The following GRM4 variants were observed in gnomAD, a reference collection of about 807,000 sequenced individuals.
The protein encoded by GRM4 is glutamate metabotropic receptor 4, also known as metabotropic glutamate receptor 4.
Under a neutral mutation model 81.7 loss-of-function variants are expected in GRM4, and 28 were observed. That is an observed-to-expected ratio of 0.34 (90% CI 0.25 to 0.47). The LOEUF (loss-of-function observed/expected upper bound fraction) is 0.47. Among genes scored for constraint, GRM4 ranks in the 20% least tolerant of loss-of-function variants. GRM4 has a pLI of 1.00. For synonymous variants in GRM4, 488 were observed against 528.8 expected (o/e 0.92, Z 1.06); for missense variants, 948 against 1,290.0 (o/e 0.73, Z 4.06).
chr6:34,049,897 T>G (rs1217940885), intron 6 of GRM4, among the ~76,000 whole-genome samples: 1 of 152,100 alleles, frequency 6.6e-6, no homozygotes, highest in Non-Finnish European at 1.5e-5. Flanking sequence ...GGTCTCCCAC[T>G]CTGCCCTCGC....
chr6:34,145,696 C>T (rs1473004511), intron 1 of GRM4, among the ~76,000 whole-genome samples: 1 of 152,242 alleles, frequency 6.6e-6, no homozygotes, highest in Non-Finnish European at 1.5e-5. Context: ...GAGGGGGCCG[C>T]AGCCGCTTGC....
At chr6:34,044,669 C>CATAT (rs1213493669) in intron 6 of GRM4, among the ~76,000 whole-genome samples, 1 of 130,766 alleles carries the variant, frequency 7.6e-6, no homozygotes. Context: ...CATATATACA[C>CATAT]AGACACACAC....
At chr6:34,123,364 G>A (rs143834860) in intron 2 of GRM4, among the ~76,000 whole-genome samples, 41 of 152,286 alleles carry the variant, frequency 2.7e-4, no homozygotes, top group Admixed American at 4.6e-4. Flanking sequence ...ACCATGCTCC[G>A]TGACTCAGGC....
intron 7 of GRM4, 82 bp downstream of exon 7, chr6:34,040,466 A>G: frequency 2.1e-6 from 3 of 1,445,748 alleles, no homozygotes; most frequent in Non-Finnish European, 2.9e-6. Context: ...TCCCATTCCC[A>G]CCCCACAGAG....
chr6:34,056,463 C>T (rs1427623538), intron 6 of GRM4, 81 bp downstream of exon 6: 4 of 1,287,540 alleles, frequency 3.1e-6, no homozygotes, highest in South Asian at 1.3e-5. Context: ...CAAAGGGAGA[C>T]TCTCGGCCTC....
chr6:34,061,904 C>G lies in GRM4; in HGVS notation c.861G>C (p.Glu287Asp), dbSNP rs769597522. The change falls in exon 4 of 11, where the codon GAG (glutamate) becomes GAC (aspartate). Residue 287 changes from glutamate to aspartate, a missense_variant. Coordinates refer to ENST00000538487, the MANE Select transcript of GRM4 (RefSeq NM_000841.4). ...NARAVIIFAN[E>D]DDIRRVLEAA... ...CCACCTGCCCTCACCTGATGTCATC[C>G]TCGTTGGCAAAGATGATGACTGCCC... 1.2e-6 allele frequency: 2 copies of G among 1,612,786 alleles called. No homozygotes were observed. The highest frequency in any genetic ancestry group is 2.2e-5 in the South Asian group (2 of 90,952).
intron 3 of GRM4, among the ~76,000 whole-genome samples, chr6:34,091,433 C>T (rs567885252): frequency 1.2e-4 from 19 of 152,242 alleles, no homozygotes; most frequent in Admixed American, 5.9e-4. Flanking sequence ...ACAGACCACC[C>T]GCGGCCCTCC....
In GRM4 at chr6:34,026,739, G is replaced by A. The variant is rs114443185; in HGVS notation, c.2689+1381C>T. 1.4e-3 allele frequency among the ~76,000 whole-genome samples: 220 copies of A among 152,302 alleles called. 3 individuals carry two copies. The highest frequency in any genetic ancestry group is 3.4e-3 in the Middle Eastern group (1 of 292). On this transcript the variant is annotated intron_variant, in intron 10 of 10. Coordinates refer to ENST00000538487, the MANE Select transcript of GRM4 (RefSeq NM_000841.4). ...TCTCTGTGAGGGCCCCACCCTTTAT[G>A]GGACCCTCTGCCCTGTCACAGCACC...
At chr6:34,026,919 G>T (rs536977603) in intron 10 of GRM4, among the ~76,000 whole-genome samples, 3 of 152,242 alleles carry the variant, frequency 2.0e-5, no homozygotes, top group African/African-American at 7.2e-5. Context: ...ACCTGGGAAG[G>T]AAGGTCTCCA....
chr6:34,141,658 C>G (rs1770695203), intron 1 of GRM4, among the ~76,000 whole-genome samples: 1 of 150,400 alleles, frequency 6.6e-6, no homozygotes, highest in Admixed American at 6.6e-5. Flanking sequence ...CAGACTGGAA[C>G]AGTCTCTCGG....
chr6:34,086,201 T>C (rs1464114240), intron 3 of GRM4, among the ~76,000 whole-genome samples: 1 of 152,202 alleles, frequency 6.6e-6, no homozygotes, highest in Non-Finnish European at 1.5e-5. Context: ...GGACGCCACA[T>C]GCCGAGAGTC....
chr6:34,032,024 TATAC>T (rs1197210532), intron 9 of GRM4, among the ~76,000 whole-genome samples: 1 of 151,120 alleles, frequency 6.6e-6, no homozygotes, highest in Non-Finnish European at 1.5e-5. Context: ...GGTACACACA[TATAC>T]ATAGACACAA....
chr6:34,135,363 T>A (rs1770417801), intron 1 of GRM4, among the ~76,000 whole-genome samples: 1 of 152,138 alleles, frequency 6.6e-6, no homozygotes, highest in African/African-American at 2.4e-5. Context: ...TCATATTACC[T>A]CCTCAGAAAC....
intron 3 of GRM4, among the ~76,000 whole-genome samples, chr6:34,088,694 A>G (rs1334756376): frequency 6.6e-6 from 1 of 152,150 alleles, no homozygotes; most frequent in Non-Finnish European, 1.5e-5. Flanking sequence ...GGCAAGCCAC[A>G]TCACTTCTCT....
At chr6:34,143,663 C>T (rs1220619774) in intron 1 of GRM4, among the ~76,000 whole-genome samples, 1 of 152,236 alleles carries the variant, frequency 6.6e-6, no homozygotes, top group African/African-American at 2.4e-5. Flanking sequence ...CCATTGGGAT[C>T]CGGGGGAAAG....
intron 3 of GRM4, among the ~76,000 whole-genome samples, chr6:34,066,857 T>C (rs1766492579): frequency 6.6e-6 from 1 of 152,050 alleles, no homozygotes; most frequent in Non-Finnish European, 1.5e-5. Context: ...GGTGCCGCGG[T>C]CCTCACGTGG....
At chr6:34,077,965 C>T (rs556754857) in intron 3 of GRM4, among the ~76,000 whole-genome samples, 49 of 152,070 alleles carry the variant, frequency 3.2e-4, no homozygotes, top group African/African-American at 1.1e-3. Context: ...ACTGCTGGGC[C>T]CTGGATCCAC....
At chr6:34,147,602 C>T (rs938482027), upstream of GRM4, among the ~76,000 whole-genome samples, 2 of 152,202 alleles carry the variant, frequency 1.3e-5, no homozygotes, top group Non-Finnish European at 2.9e-5. Context: ...GGGTGTGCAT[C>T]GTTCACTGCC....
In GRM4 at chr6:34,136,065, GGTGCCTC is replaced by G. The variant is rs1256727934; in HGVS notation, c.-363-2213_-363-2207del. Reference sequence around the variant, plus strand: ...AACACCATCCTGTCCAAATGCCGACGGTGCCTCGTGGAGAAATCACAGCAAAAGACAA... The same window carrying G: ...AACACCATCCTGTCCAAATGCCGACGGTGGAGAAATCACAGCAAAAGACAA... On this transcript the variant is annotated intron_variant, in intron 1 of 10. Transcript: ENST00000538487. This position sits in a 1 kb window ranked among gnomAD's most constrained non-coding sequence, Gnocchi z 4.1. Among the ~76,000 whole-genome samples the G allele has an allele frequency of 6.6e-6, 1 of 152,204 alleles. No homozygotes were observed. The highest frequency in any genetic ancestry group is 6.5e-5 in the Admixed American group (1 of 15,284).
Sources: allele counts gnomAD v4.1 joint callset (sites outside exome capture counted in the v4.1 genomes callset), GRCh38; gene constraint gnomAD v4.1.1; non-coding constraint Gnocchi (gnomAD v3.1); transcripts MANE v1.5; gene names NCBI Gene and HGNC (gene_info 2026-07-23, HGNC 2026-07-21).